PMM1: variants seen among roughly 807,000 people sequenced by gnomAD.
PMM1 encodes brain glucose-1,6-bisphosphatase.
Under a neutral mutation model 34.0 loss-of-function variants are expected in PMM1, and 25 were observed. That is an observed-to-expected ratio of 0.73 (90% CI 0.54 to 1.03). The LOEUF (loss-of-function observed/expected upper bound fraction) is 1.03. PMM1 is among the 50% of genes least tolerant of loss of function. The probability of loss-of-function intolerance (pLI) is 0.00; values close to 1 mark genes in which losing one functional copy is unlikely to be tolerated. For missense variants in PMM1, 321 were observed against 350.1 expected (o/e 0.92, Z 0.66); for synonymous variants, 134 against 143.9 (o/e 0.93, Z 0.49).
chr22:41,588,834 C>T (rs2067344301), intron 1 of PMM1: 2 of 985,446 alleles, frequency 2.0e-6, no homozygotes, highest in East Asian at 1.1e-4. Flanking sequence ...CCCACTGCTC[C>T]CCCACGCTAG....
chr22:41,582,580 C>T (rs976485071), intron 5 of PMM1, among the ~76,000 whole-genome samples: 1 of 152,024 alleles, frequency 6.6e-6, no homozygotes, highest in Admixed American at 6.6e-5. Context: ...GACAGTAATT[C>T]GGATTTTAAA....
At chr22:41,582,146 A>G (rs1348638184) in intron 5 of PMM1, among the ~76,000 whole-genome samples, 1 of 147,308 alleles carries the variant, frequency 6.8e-6, no homozygotes, top group African/African-American at 2.6e-5. Flanking sequence ...TCAGTCTCCA[A>G]AAAAAAAAAA....
intron 2 of PMM1, among the ~76,000 whole-genome samples, 180 bp downstream of exon 2, chr22:41,585,896 C>G (rs1383004422): frequency 6.6e-6 from 1 of 152,176 alleles, no homozygotes; most frequent in Non-Finnish European, 1.5e-5. Context: ...AGCCATTTCT[C>G]AAGGGCCTGG....
intron 1 of PMM1, chr22:41,589,261 C>T: frequency 2.0e-6 from 1 of 511,756 alleles, no homozygotes; most frequent in Non-Finnish European, 3.7e-6. Flanking sequence ...GACGCCCTGT[C>T]TCCCACCAGA....
Position 41,577,224 on chromosome 22 carries a change from G to C in PMM1, c.*94C>G, listed in dbSNP as rs1376414504. On this transcript the variant is annotated 3_prime_UTR_variant, in exon 8 of 8. Coordinates refer to ENST00000216259, the MANE Select transcript of PMM1 (RefSeq NM_002676.3). ...GGCTTGCAGCAGGCGTCCTGGGCCAGAGGAGGGGCCCTGGCATCTATCCAA... is the reference window on the plus strand; with the variant it reads ...GGCTTGCAGCAGGCGTCCTGGGCCACAGGAGGGGCCCTGGCATCTATCCAA... 16 of 1,555,282 alleles carry C rather than the reference G, an allele frequency of 1.0e-5. No individual in the cohort carries two copies. In the Admixed American group the frequency reaches 2.7e-4, roughly 26 times the overall value.
At chr22:41,588,813 G>A (rs768610499) in intron 1 of PMM1, 1 of 985,338 alleles carries the variant, frequency 1.0e-6, no homozygotes, top group South Asian at 4.7e-5. Context: ...CCACTGCCCA[G>A]TAAAGCCCAT....
intron 2 of PMM1, among the ~76,000 whole-genome samples, chr22:41,585,740 G>A (rs1024675662): frequency 6.6e-6 from 1 of 152,094 alleles, no homozygotes; most frequent in Non-Finnish European, 1.5e-5. Flanking sequence ...TGATCCATCC[G>A]CCTCGGCCTC....
At position 41,577,919 on chromosome 22, in the gene PMM1, G is replaced by A. The variant is rs1436133502; in HGVS notation, c.555C>T (p.Gly185=). The A allele has an allele frequency of 1.2e-6, 2 of 1,611,010 alleles. No individual in the cohort carries two copies. The highest frequency in any genetic ancestry group is 1.3e-5 in the African/African-American group (1 of 74,890). The change falls in exon 7 of 8, where the codon GGC becomes GGT. Residue 185 remains glycine (G), a synonymous_variant. Transcript: ENST00000216259. ...CGGGGAAGACGTCAAAGCTGATCAT[G>A]CCTCCTGTGGGCAGGGGTGGGGACT... ...AGKGLRFSRG[G]MISFDVFPEG...
intron 5 of PMM1, 63 bp from the exon 6 acceptor site, chr22:41,578,944 G>A: frequency 7.0e-7 from 1 of 1,429,254 alleles, no homozygotes; most frequent in East Asian, 2.3e-5. Context: ...CCCTGGCTGG[G>A]CACACAGTCC....
Position 41,577,085 on chromosome 22 carries a change from G to A in PMM1, c.*233C>T. The A allele has an allele frequency of 1.7e-6, 1 of 580,524 alleles. No homozygotes were observed. The highest frequency in any genetic ancestry group is 1.9e-5 in the South Asian group (1 of 51,432). The allele number at this position is 580,524 out of a possible 1,614,324, so 36.0% of individuals were successfully genotyped here. A position where few individuals can be genotyped will look rare whatever the true frequency, so the allele number is the denominator to read the frequency against. ...AATACAAGCAGCAGCTGTGGCCTGG[G>A]CCACCAGGTGGAGCATGGGGAACAC... is the stretch of plus-strand genomic sequence containing the variant. On this transcript the variant is annotated 3_prime_UTR_variant, in exon 8 of 8. Coordinates refer to ENST00000216259, the MANE Select transcript of PMM1 (RefSeq NM_002676.3).
chr22:41,584,460 AG>A (rs1317057077), intron 3 of PMM1, 66 bp downstream of exon 3: 1 of 1,572,764 alleles, frequency 6.4e-7, no homozygotes, highest in Admixed American at 1.7e-5. Context: ...CCAGGACAGA[AG>A]CCCCCTTGGA....
intron 1 of PMM1, 110 bp downstream of exon 1, chr22:41,589,609 C>T: frequency 1.1e-6 from 1 of 944,850 alleles, no homozygotes; most frequent in Non-Finnish European, 1.6e-6. Context: ...CGCCGCATCC[C>T]ACACTCGGTC....
Position 41,577,436 on chromosome 22 carries a change from C to T in PMM1, c.671G>A (p.Gly224Glu). ...GTCGGCAAAGATCTCAAAGTCGTTCCCACCCTGCACACAGAGGATGGGCAG... is the reference window on the plus strand; with the variant it reads ...GTCGGCAAAGATCTCAAAGTCGTTCTCACCCTGCACACAGAGGATGGGCAG... ...HFFGNETSPG[G>E]NDFEIFADPR... The change falls in exon 8 of 8, where the codon GGG (glycine) becomes GAG (glutamate). Residue 224 changes from glycine to glutamate, a missense_variant. Gly to Glu is a moderately conservative substitution (Grantham distance 98). Transcript: ENST00000216259. 6.2e-7 allele frequency: 1 copy of T among 1,610,750 alleles called. No individual in the cohort carries two copies. Among genetic ancestry groups the T allele is most frequent in the Admixed American group, 1.7e-5 (1 of 59,918 alleles).
chr22:41,586,416 G>GT (rs752266823), intron 1 of PMM1: 13 of 714,084 alleles, frequency 1.8e-5, no homozygotes, highest in Non-Finnish European at 2.5e-5. Context: ...TGACCCAGGA[G>GT]TTTGAGACTA....
chr22:41,582,742 T>C (rs1222215559), intron 5 of PMM1, among the ~76,000 whole-genome samples: 1 of 151,922 alleles, frequency 6.6e-6, no homozygotes, highest in Non-Finnish European at 1.5e-5. Context: ...GAGCTGGGCC[T>C]GAGAGAAGTG....
chr22:41,577,636 C>A, intron 7 of PMM1, 172 bp downstream of exon 7: 1 of 768,554 alleles, frequency 1.3e-6, no homozygotes. Flanking sequence ...GCTTTCCAAT[C>A]TGTGTAACGG....
At chr22:41,578,658 CT>C in intron 6 of PMM1, 147 bp downstream of exon 6, 1 of 636,280 alleles carries the variant, frequency 1.6e-6, no homozygotes. Context: ...GAACCCCTTT[CT>C]GCATCGGGCT....
At chr22:41,582,177 G>A (rs1243134037) in intron 5 of PMM1, among the ~76,000 whole-genome samples, 1 of 151,656 alleles carries the variant, frequency 6.6e-6, no homozygotes, top group Non-Finnish European at 1.5e-5. Context: ...GTATTTCTTT[G>A]CGAGGTGCGG....
At chr22:41,582,041 G>A (rs1244400859) in intron 5 of PMM1, among the ~76,000 whole-genome samples, 2 of 151,830 alleles carry the variant, frequency 1.3e-5, no homozygotes, top group Non-Finnish European at 2.9e-5. Context: ...ATACTTGGGA[G>A]GCTGGGGCAG....
Sources: gnomAD v4.1 joint callset for allele counts (sites outside exome capture counted in the v4.1 genomes callset) on GRCh38, gnomAD v4.1.1 for gene constraint, MANE v1.5 for transcripts, NCBI Gene and HGNC (gene_info 2026-07-23, HGNC 2026-07-21) for gene names.